The following TMEM132B variants were observed in gnomAD, a reference collection of about 807,000 sequenced individuals.
The protein encoded by TMEM132B is transmembrane protein 132B.
TMEM132B carries 18 observed loss-of-function variants against 90.8 expected under a neutral mutation model. The observed-to-expected ratio is 0.20, with a 90% CI of 0.14 to 0.29. The LOEUF (loss-of-function observed/expected upper bound fraction) is 0.29, where lower values mean the gene tolerates loss of function less well. TMEM132B is among the 10% of genes least tolerant of loss of function. The probability of loss-of-function intolerance (pLI) is 1.00; values close to 1 mark genes in which losing one functional copy is unlikely to be tolerated. For synonymous variants in TMEM132B, 504 were observed against 523.3 expected (o/e 0.96, Z 0.50); for missense variants, 1,096 against 1,326.8 (o/e 0.83, Z 2.70).
intron 1 of TMEM132B, among the ~76,000 whole-genome samples, chr12:125,188,536 A>ACCCCCCCCCCCCCCCCCCCCCCCCCCT (rs1247722118): frequency 1.7e-5 from 1 of 60,604 alleles, no homozygotes; most frequent in Non-Finnish European, 3.3e-5. Context: ...TCCCCCTACC[A>ACCCCCCCCCCCCCCCCCCCCCCCCCCT]CCCCCCCACC....
intron 2 of TMEM132B, among the ~76,000 whole-genome samples, chr12:125,385,648 C>A (rs966688367): frequency 1.3e-5 from 2 of 152,186 alleles, no homozygotes; most frequent in Non-Finnish European, 2.9e-5. Flanking sequence ...TTGTCACTTT[C>A]ATGTACTTTG....
intron 1 of TMEM132B, among the ~76,000 whole-genome samples, chr12:125,194,863 C>T (rs945989149): frequency 6.6e-6 from 1 of 152,168 alleles, no homozygotes; most frequent in African/African-American, 2.4e-5. Context: ...TAAGCAGCAG[C>T]GAATCATAAC....
chr12:125,432,753 C>T (rs1022703661), intron 3 of TMEM132B, among the ~76,000 whole-genome samples: 6 of 152,118 alleles, frequency 3.9e-5, no homozygotes, highest in Admixed American at 1.3e-4. Flanking sequence ...AGCACTGGCT[C>T]ATCCGTCCCT....
rs889367338 is a variant in TMEM132B at position 125,498,869 on chromosome 12, T to C, written c.1107-20570T>C. 6.6e-6 allele frequency among the ~76,000 whole-genome samples: 1 copy of C among 152,244 alleles called. No individual in the cohort carries two copies. Among genetic ancestry groups the C allele is most frequent in the Non-Finnish European group, 1.5e-5 (1 of 68,036 alleles). The stretch of plus-strand genomic sequence containing the variant: ...AATCAGGTCTCCTGCCCAAAGGGCA[T>C]GCAGGTTTCCTGTGGGTTATCTTTG... On this transcript the variant is annotated intron_variant, in intron 3 of 8. Coordinates refer to ENST00000682704, the MANE Select transcript of TMEM132B (RefSeq NM_001366854.1). The surrounding 1 kb of genome is among the most constrained non-coding windows in gnomAD (Gnocchi z 4.5).
chr12:125,593,821 G>A (rs1274729857), intron 5 of TMEM132B, among the ~76,000 whole-genome samples: 3 of 152,132 alleles, frequency 2.0e-5, no homozygotes, highest in Non-Finnish European at 4.4e-5. Context: ...ATAAGATGTA[G>A]ACAACGGTAT....
At chr12:125,202,163 A>G (rs1169357235) in intron 1 of TMEM132B, among the ~76,000 whole-genome samples, 2 of 152,234 alleles carry the variant, frequency 1.3e-5, no homozygotes, top group African/African-American at 2.4e-5. Flanking sequence ...AGCTGGGCCA[A>G]TGAGGGCCAG....
intron 1 of TMEM132B, among the ~76,000 whole-genome samples, chr12:125,289,808 A>G (rs1438232837): frequency 6.6e-6 from 1 of 152,222 alleles, no homozygotes; most frequent in Non-Finnish European, 1.5e-5. Context: ...TCCAGGGTGC[A>G]TGGGCTCAAC....
At chr12:125,646,618 G>A (rs938438853) in intron 6 of TMEM132B, among the ~76,000 whole-genome samples, 3 of 152,140 alleles carry the variant, frequency 2.0e-5, no homozygotes, top group African/African-American at 4.8e-5. Flanking sequence ...CACAGTGCCA[G>A]GGGAACAAAA....
At chr12:125,366,700 A>G (rs532691014) in intron 2 of TMEM132B, among the ~76,000 whole-genome samples, 1 of 152,270 alleles carries the variant, frequency 6.6e-6, no homozygotes, top group African/African-American at 2.4e-5. Flanking sequence ...TTGTACATTT[A>G]TGTCTTTTAT....
intron 1 of TMEM132B, among the ~76,000 whole-genome samples, chr12:125,310,512 C>T (rs1235579449): frequency 6.6e-6 from 1 of 152,216 alleles, no homozygotes; most frequent in African/African-American, 2.4e-5. Context: ...AGTTAATCAG[C>T]AGGGAAACTT....
intron 4 of TMEM132B, among the ~76,000 whole-genome samples, chr12:125,533,431 T>A (rs1883701439): frequency 6.6e-6 from 1 of 152,234 alleles, no homozygotes; most frequent in Admixed American, 6.5e-5. Context: ...GCCCTCCAGC[T>A]GCACATCAGC....
chr12:125,318,552 C>T (rs1876346142), intron 1 of TMEM132B, among the ~76,000 whole-genome samples: 1 of 151,650 alleles, frequency 6.6e-6, no homozygotes, highest in Admixed American at 6.6e-5. Context: ...TGTGTGTTGT[C>T]CCTGACCCAC....
At position 125,277,346 on chromosome 12, in the gene TMEM132B, G is replaced by A. The variant is rs1290969747; in HGVS notation, c.68-72106G>A. Reference sequence around the variant, plus strand: ...ATACAAAAATTAGCTGGGCGTGGTGGTGGGCTCCTGTAATCCCAGCTACTC... The same window carrying A: ...ATACAAAAATTAGCTGGGCGTGGTGATGGGCTCCTGTAATCCCAGCTACTC... On this transcript the variant is annotated intron_variant, in intron 1 of 8. Transcript: ENST00000682704. The surrounding 1 kb of genome is among the most constrained non-coding windows in gnomAD (Gnocchi z 4.3). 3.3e-5 allele frequency among the ~76,000 whole-genome samples: 5 copies of A among 152,084 alleles called. No individual in the cohort carries two copies. Among genetic ancestry groups the A allele is most frequent in the Non-Finnish European group, 4.4e-5 (3 of 67,994 alleles).
chr12:125,631,311 T>C (rs565270196), intron 5 of TMEM132B, among the ~76,000 whole-genome samples: 1 of 152,276 alleles, frequency 6.6e-6, no homozygotes, highest in African/African-American at 2.4e-5. Flanking sequence ...ATTCCTCTTG[T>C]TATTGATTTC....
At chr12:125,373,888 G>A (rs563189806) in intron 2 of TMEM132B, among the ~76,000 whole-genome samples, 1 of 152,308 alleles carries the variant, frequency 6.6e-6, no homozygotes, top group Admixed American at 6.5e-5. Context: ...TCCGCCTCCT[G>A]GGTTCAAGTG....
intron 1 of TMEM132B, among the ~76,000 whole-genome samples, chr12:125,340,286 C>T (rs891525990): frequency 2.6e-5 from 4 of 152,126 alleles, no homozygotes; most frequent in African/African-American, 9.7e-5. Flanking sequence ...TTAAAATAAA[C>T]TCAAACTGCG....
intron 3 of TMEM132B, among the ~76,000 whole-genome samples, chr12:125,438,855 G>T (rs7488300): frequency 0.55 from 83,532 of 152,080 alleles, 24,449 homozygotes; most frequent in African/African-American, 0.77. Flanking sequence ...TTTTGCTGAA[G>T]GTAGCATTTC....
At chr12:125,594,854 A>G (rs940572710) in intron 5 of TMEM132B, among the ~76,000 whole-genome samples, 17 of 152,206 alleles carry the variant, frequency 1.1e-4, no homozygotes, top group African/African-American at 3.9e-4. Context: ...ATACTCTAAT[A>G]GGGTCTTTAG....
At chr12:125,320,195 A>G (rs1256186607) in intron 1 of TMEM132B, among the ~76,000 whole-genome samples, 1 of 152,216 alleles carries the variant, frequency 6.6e-6, no homozygotes, top group East Asian at 1.9e-4. Context: ...CTGTATCAAC[A>G]ATGGCCCAGC....
Sources: allele counts gnomAD v4.1 joint callset (sites outside exome capture counted in the v4.1 genomes callset), GRCh38; gene constraint gnomAD v4.1.1; non-coding constraint Gnocchi (gnomAD v3.1); transcripts MANE v1.5; gene names NCBI Gene and HGNC (gene_info 2026-07-23, HGNC 2026-07-21).